Variants in ADGB observed in about 807,000 individuals in gnomAD.
The protein encoded by ADGB is androglobin, also known as calpain-7-like protein.
ADGB carries 172 observed loss-of-function variants against 210.5 expected under a neutral mutation model. The observed-to-expected ratio is 0.82, with a 90% confidence interval of 0.72 to 0.93. The LOEUF (loss-of-function observed/expected upper bound fraction) is 0.93. Among genes scored for constraint, ADGB ranks in the 40% least tolerant of loss-of-function variants. The probability of loss-of-function intolerance (pLI) is 0.00; values close to 1 mark genes in which losing one functional copy is unlikely to be tolerated. For missense variants in ADGB, 2,025 were observed against 1,964.8 expected, an observed-to-expected ratio of 1.03 and a Z score of -0.58; for synonymous variants, 658 against 662.7, an observed-to-expected ratio of 0.99 and a Z score of 0.11.
chr6:146,780,025 C>G (rs988901559), intron 29 of ADGB, among the ~76,000 whole-genome samples: 2 of 151,708 alleles, frequency 1.3e-5, no homozygotes. Flanking sequence ...AAGCAATGAT[C>G]ATAAGTCTGT....
chr6:146,768,977 T>C (rs1007152369), intron 28 of ADGB, 43 bp from the exon 29 acceptor site: 1 of 1,042,440 alleles, frequency 9.6e-7, no homozygotes, highest in Non-Finnish European at 1.4e-6. Context: ...GCACATACCA[T>C]GTATGTTCTT....
At position 146,801,706 on chromosome 6, in the gene ADGB, T is replaced by C; in HGVS notation, c.4635-122T>C. 3 of 755,756 alleles carry C rather than the reference T, an allele frequency of 4.0e-6. No homozygotes were observed. The East Asian group carries it at 9.3e-5, about 23-fold the overall frequency. The allele number at this position is 755,756 out of a possible 1,614,324, so 46.8% of individuals were successfully genotyped here. A position where few individuals can be genotyped will look rare whatever the true frequency, so the allele number is the denominator to read the frequency against. The stretch of plus-strand genomic sequence containing the variant: ...AACCATTTATTTTTTCTATCCCTAA[T>C]GTTTTATTTGACTCAGACCACCACA... On this transcript the variant is annotated intron_variant, in intron 34 of 35. Transcript: ENST00000397944.
At chr6:146,721,092 G>A (rs973639820) in intron 16 of ADGB, among the ~76,000 whole-genome samples, 7 of 152,102 alleles carry the variant, frequency 4.6e-5, no homozygotes, top group Middle Eastern at 3.4e-3. Context: ...CCCTGGGCTC[G>A]GCCTCTTCTC....
intron 29 of ADGB, among the ~76,000 whole-genome samples, chr6:146,777,485 C>T (rs182110060): frequency 1.2e-3 from 176 of 152,106 alleles, no homozygotes; most frequent in African/African-American, 4.0e-3. Context: ...AAAAGTAAAC[C>T]AGTGGTTCTC....
At chr6:146,626,695 A>AT (rs1451710622) in intron 1 of ADGB, among the ~76,000 whole-genome samples, 1 of 150,954 alleles carries the variant, frequency 6.6e-6, no homozygotes, top group Non-Finnish European at 1.5e-5. Context: ...TGCTTTTAAA[A>AT]TTTTTTTACC....
chr6:146,611,568 G>T (rs1234460033), intron 1 of ADGB, among the ~76,000 whole-genome samples: 1 of 152,146 alleles, frequency 6.6e-6, no homozygotes, highest in African/African-American at 2.4e-5. Context: ...TTATCTCACT[G>T]CTTCCCCCAG....
chr6:146,732,105 A>G (rs1776996685), intron 20 of ADGB, among the ~76,000 whole-genome samples: 1 of 152,172 alleles, frequency 6.6e-6, no homozygotes, highest in African/African-American at 2.4e-5. Flanking sequence ...TATGTATGGT[A>G]TATATTAGGA....
At chr6:146,608,715 A>C (rs1352866854) in intron 1 of ADGB, among the ~76,000 whole-genome samples, 1 of 152,072 alleles carries the variant, frequency 6.6e-6, no homozygotes, top group Non-Finnish European at 1.5e-5. Context: ...TACTCCTTAT[A>C]ACACTGTGGT....
At chr6:146,669,805 T>C (rs1481590807) in intron 7 of ADGB, among the ~76,000 whole-genome samples, 1 of 152,118 alleles carries the variant, frequency 6.6e-6, no homozygotes, top group African/African-American at 2.4e-5. Flanking sequence ...ACTGTATTTA[T>C]CTACAACTGC....
chr6:146,694,308 G>A (rs774964553), intron 12 of ADGB, among the ~76,000 whole-genome samples: 13 of 152,092 alleles, frequency 8.5e-5, no homozygotes, highest in Non-Finnish European at 1.5e-4. Flanking sequence ...AGAACTGCAC[G>A]CCAGCAGAGT....
At chr6:146,717,914 T>A (rs1284117311) in intron 16 of ADGB, among the ~76,000 whole-genome samples, 1 of 152,132 alleles carries the variant, frequency 6.6e-6, no homozygotes, top group East Asian at 1.9e-4. Flanking sequence ...TGGTTTCAAT[T>A]AGTATTTATT....
rs1230272284 is a variant in ADGB at position 146,733,929 on chromosome 6, G to C, written c.2693G>C (p.Ser898Thr). Residue 898 changes from serine (S) to threonine (T), a missense_variant, in exon 22 of 36, where the codon AGT (serine) becomes ACT (threonine). Coordinates refer to ENST00000397944, the MANE Select transcript of ADGB (RefSeq NM_024694.4). Reference protein sequence around the residue: ...WLDVKYCMPTSDKEYSAEEVA... With the variant: ...WLDVKYCMPTTDKEYSAEEVA... ...GACGTTAAATATTGTATGCCCACAA[G>C]TGATAAAGAGTATTCTGCTGAGGAA... is the stretch of plus-strand genomic sequence containing the variant. 7.7e-6 allele frequency: 12 copies of C among 1,551,644 alleles called. No homozygotes were observed. The South Asian group carries it at 1.4e-4, about 18-fold the overall frequency.
At chr6:146,673,963 G>T (rs1410313800) in intron 8 of ADGB, among the ~76,000 whole-genome samples, 1 of 152,152 alleles carries the variant, frequency 6.6e-6, no homozygotes, top group African/African-American at 2.4e-5. Context: ...ACATCTAAGA[G>T]GTTGGTACAA....
intron 13 of ADGB, among the ~76,000 whole-genome samples, chr6:146,712,654 T>C (rs1776675655): frequency 1.3e-5 from 2 of 152,180 alleles, no homozygotes; most frequent in Admixed American, 1.3e-4. Flanking sequence ...GGATCTTCTA[T>C]TACACTACCT....
rs138814222 is a variant in ADGB, at chr6:146,766,779, G to A, written c.3751-2241G>A. On this transcript the variant is annotated intron_variant, in intron 28 of 35. Coordinates refer to ENST00000397944, the MANE Select transcript of ADGB (RefSeq NM_024694.4). ...ATCCTGATTTCAAAACCAGATAAAG[G>A]TAACACAAAAAGGAATAAAATGTAT... Among the ~76,000 whole-genome samples the A allele has an allele frequency of 5.7e-4, 86 of 151,990 alleles. No homozygotes were observed. In the East Asian group the frequency reaches 7.8e-3, roughly 14 times the overall value.
intron 9 of ADGB, among the ~76,000 whole-genome samples, chr6:146,683,917 T>C (rs754867595): frequency 4.6e-5 from 7 of 152,278 alleles, no homozygotes; most frequent in Non-Finnish European, 8.8e-5. Flanking sequence ...ATGCATAATG[T>C]ACAAATGTGG....
chr6:146,764,164 A>G, intron 28 of ADGB, 64 bp downstream of exon 28: 1 of 1,375,982 alleles, frequency 7.3e-7, no homozygotes. Context: ...CAAAACAATC[A>G]TTTCCCTAAA....
chr6:146,598,983 C>A lies in ADGB; in HGVS notation c.-58C>A, dbSNP rs561667825. 8.8e-6 allele frequency: 13 copies of A among 1,475,114 alleles called. No individual in the cohort carries two copies. Among genetic ancestry groups the A allele is most frequent in the East Asian group, 2.5e-5 (1 of 40,368 alleles). 91.4% of individuals were successfully genotyped at this position (1,475,114 alleles called of 1,614,324 possible). A position where few individuals can be genotyped will look rare whatever the true frequency, so the allele number is the denominator to read the frequency against. On this transcript the variant is annotated 5_prime_UTR_variant, in exon 1 of 36. Coordinates refer to ENST00000397944, the MANE Select transcript of ADGB (RefSeq NM_024694.4). ...TCTCCTGGCAACGCAGACGCGGAGC[C>A]GAGCGCGCCCGCAGGCTCTTTGCTC...
rs569898698 is a variant in ADGB at position 146,741,662 on chromosome 6, A to G, written c.3177+391A>G. On this transcript the variant is annotated intron_variant, in intron 25 of 35. Coordinates refer to ENST00000397944, the MANE Select transcript of ADGB (RefSeq NM_024694.4). ...CTGGGTTTTTATTCTACTCCTGTAT[A>G]TTTCAGAAAATTGTAGTTACATAGC... Among the ~76,000 whole-genome samples the G allele has an allele frequency of 2.9e-4, 44 of 152,228 alleles. No homozygotes were observed. In the South Asian group the frequency reaches 8.3e-3, roughly 29 times the overall value.
Sources: allele counts gnomAD v4.1 joint callset (sites outside exome capture counted in the v4.1 genomes callset), GRCh38; gene constraint gnomAD v4.1.1; transcripts MANE v1.5; gene names NCBI Gene and HGNC (gene_info 2026-07-23, HGNC 2026-07-21).